Variants in RHCE observed in about 807,000 individuals in gnomAD.
The protein encoded by RHCE is Rh blood group CcEe antigens, also known as blood group Rh(CE) polypeptide.
In RHCE, 22 loss-of-function variants were observed where a neutral mutation model predicts 43.8. The observed-to-expected ratio is 0.50, with a 90% confidence interval of 0.36 to 0.72. RHCE has a LOEUF of 0.72. Among genes scored for constraint, RHCE ranks in the 30% least tolerant of loss-of-function variants. The pLI, the probability that RHCE is intolerant of heterozygous loss-of-function variation, is 0.00. For missense variants in RHCE, 385 were observed against 525.4 expected (o/e 0.73, Z 2.61); for synonymous variants, 156 against 210.7 (o/e 0.74, Z 2.25).
rs569805117 is a variant in RHCE, at chr1:25,377,528, A to T, written c.1074-2100T>A. Among the ~76,000 whole-genome samples the T allele has an allele frequency of 1.3e-3, 205 of 152,278 alleles. 2 individuals carry two copies. The highest frequency in any genetic ancestry group is 3.5e-4 in the Non-Finnish European group (24 of 68,014). Reference sequence around the variant, plus strand: ...TCTTAAACAGGACATAAAAGAACTAAGCATAAAGGGAACAATGATAAATTG... The same window carrying T: ...TCTTAAACAGGACATAAAAGAACTATGCATAAAGGGAACAATGATAAATTG... On this transcript the variant is annotated intron_variant, in intron 7 of 9. Transcript: ENST00000294413.
At chr1:25,377,223 CAG>C (rs1645815066) in intron 7 of RHCE, among the ~76,000 whole-genome samples, 1 of 151,962 alleles carries the variant, frequency 6.6e-6, no homozygotes, top group Non-Finnish European at 1.5e-5. Flanking sequence ...GAAAAAAATT[CAG>C]GGGGACATAT....
intron 7 of RHCE, 81 bp downstream of exon 7, chr1:25,385,630 C>T: frequency 6.2e-7 from 1 of 1,605,670 alleles, no homozygotes; most frequent in African/African-American, 1.3e-5. Context: ...GTGCACACGC[C>T]CCAGCTAAGG....
intron 7 of RHCE, among the ~76,000 whole-genome samples, chr1:25,379,252 T>C (rs1392465774): frequency 6.6e-6 from 1 of 151,544 alleles, no homozygotes; most frequent in Non-Finnish European, 1.5e-5. Flanking sequence ...AGTCTCATCA[T>C]AGGGGCCCCA....
At chr1:25,411,778 T>C (rs1260822456) in intron 1 of RHCE, among the ~76,000 whole-genome samples, 1 of 152,168 alleles carries the variant, frequency 6.6e-6, no homozygotes, top group Non-Finnish European at 1.5e-5. Context: ...GAAATATGTA[T>C]ATGAAGGTGC....
intron 9 of RHCE, among the ~76,000 whole-genome samples, chr1:25,369,572 G>A (rs1347316459): frequency 1.3e-5 from 2 of 151,318 alleles, no homozygotes; most frequent in Non-Finnish European, 2.9e-5. Flanking sequence ...ATGCTACAAT[G>A]TAACACGGGA....
intron 3 of RHCE, among the ~76,000 whole-genome samples, chr1:25,393,347 G>A (rs1214593322): frequency 6.6e-6 from 1 of 152,144 alleles, no homozygotes; most frequent in Admixed American, 6.6e-5. Context: ...CAGGCCGGGC[G>A]TGGTGGCTCA....
rs1216062776 is a variant in RHCE at position 25,407,164 on chromosome 1, C to A, written c.335+1519G>T. On this transcript the variant is annotated intron_variant, in intron 2 of 9. Transcript: ENST00000294413. ...TCTCAAACTCCTGGGCTCAAGTGAT[C>A]TGCCCACCTCAGCTCCCAAAAGTAC... Among the ~76,000 whole-genome samples, 4 of 122,866 alleles carry A rather than the reference C, an allele frequency of 3.3e-5. 2 individuals are homozygous for A. The highest frequency in any genetic ancestry group is 7.4e-5 in the Non-Finnish European group (4 of 53,952). The allele number at this position is 122,866 out of a possible 152,430, so 80.6% of individuals were successfully genotyped here.
chr1:25,392,352 C>T (rs1162844131), intron 3 of RHCE, among the ~76,000 whole-genome samples: 1 of 152,114 alleles, frequency 6.6e-6, no homozygotes, highest in African/African-American at 2.4e-5. Flanking sequence ...ACATTTGCCT[C>T]CCAGGTTCAC....
In RHCE at chr1:25,392,256, C is replaced by T. The variant is rs200586526; in HGVS notation, c.487-115G>A. The T allele has an allele frequency of 5.5e-4, 852 of 1,556,648 alleles. 10 individuals carry two copies. The East Asian group carries it at 0.01, about 19-fold the overall frequency. On this transcript the variant is annotated intron_variant, in intron 3 of 9. Transcript: ENST00000294413. Reference sequence around the variant, plus strand: ...ACTTAGGAGGTGTGACTTGAAGCCACGAGACTGGTGTTCAGAGCTTACCCA... The same window carrying T: ...ACTTAGGAGGTGTGACTTGAAGCCATGAGACTGGTGTTCAGAGCTTACCCA...
Position 25,378,309 on chromosome 1 carries a change from A to G in RHCE, c.1074-2881T>C, listed in dbSNP as rs557237198. Reference sequence around the variant, plus strand: ...TGTATAACTCAACAATTTCACTTCTAGGCATATAATCAACAGAAGTGCATT... The same window carrying G: ...TGTATAACTCAACAATTTCACTTCTGGGCATATAATCAACAGAAGTGCATT... On this transcript the variant is annotated intron_variant, in intron 7 of 9. Transcript: ENST00000294413. 2.0e-3 allele frequency among the ~76,000 whole-genome samples: 303 copies of G among 152,344 alleles called. 3 individuals carry two copies. Among genetic ancestry groups the G allele is most frequent in the African/African-American group, 7.0e-3 (292 of 41,570 alleles).
At chr1:25,389,875 C>A (rs1446509548) in intron 5 of RHCE, among the ~76,000 whole-genome samples, 5 of 152,102 alleles carry the variant, frequency 3.3e-5, no homozygotes, top group Non-Finnish European at 7.3e-5. Flanking sequence ...TCAGCTCTCA[C>A]CTAGGTTTAG....
chr1:25,368,718 T>C (rs1434634855), intron 9 of RHCE, among the ~76,000 whole-genome samples: 1 of 149,426 alleles, frequency 6.7e-6, no homozygotes, highest in Admixed American at 6.7e-5. Flanking sequence ...AGTGTGGTGT[T>C]TCTCTGTAAC....
At chr1:25,427,502 A>T (rs1216965332) in intron 2 of RHCE, among the ~76,000 whole-genome samples, 1 of 152,224 alleles carries the variant, frequency 6.6e-6, no homozygotes, top group Non-Finnish European at 1.5e-5. Context: ...TTAGAATCCC[A>T]AAGGGCCATT....
chr1:25,418,062 T>C (rs991369708), intron 1 of RHCE, among the ~76,000 whole-genome samples: 1 of 152,214 alleles, frequency 6.6e-6, no homozygotes, highest in Non-Finnish European at 1.5e-5. Context: ...AGAGTCCCAC[T>C]CTGTCACCCA....
upstream of RHCE, among the ~76,000 whole-genome samples, chr1:25,425,599 G>A (rs2042799477): frequency 6.6e-6 from 1 of 152,216 alleles, no homozygotes. Context: ...AAATTTGTCA[G>A]CAGGCCTGGC....
chr1:25,428,057 A>G (rs1042645800), intron 2 of RHCE, among the ~76,000 whole-genome samples: 21 of 152,202 alleles, frequency 1.4e-4, no homozygotes, highest in African/African-American at 5.1e-4. Context: ...TCTCAGCCAC[A>G]ACCTCCATTG....
intron 1 of RHCE, among the ~76,000 whole-genome samples, chr1:25,410,276 T>G (rs1220929423): frequency 6.6e-6 from 1 of 152,144 alleles, no homozygotes; most frequent in African/African-American, 2.4e-5. Context: ...CCTCTTCTTA[T>G]CAATAATCAC....
At chr1:25,391,964 A>G (rs747817751) in intron 4 of RHCE, 30 bp downstream of exon 4, 7 of 1,612,880 alleles carry the variant, frequency 4.3e-6, no homozygotes, top group Non-Finnish European at 5.9e-6. Context: ...CAGCCCAAGT[A>G]TGAGACCACT....
At chr1:25,397,506 A>AAAAAAAAAAAAAC (rs1646588859) in intron 3 of RHCE, among the ~76,000 whole-genome samples, 1 of 151,008 alleles carries the variant, frequency 6.6e-6, no homozygotes, top group Non-Finnish European at 1.5e-5. Context: ...TGAAAAAAAA[A>AAAAAAAAAAAAAC]AAAAAAACTT....
Sources: allele counts gnomAD v4.1 joint callset (sites outside exome capture counted in the v4.1 genomes callset), GRCh38; gene constraint gnomAD v4.1.1; transcripts MANE v1.5; gene names NCBI Gene and HGNC (gene_info 2026-07-23, HGNC 2026-07-21).